CDON: variants seen among roughly 807,000 people sequenced by gnomAD.
CDON encodes cell adhesion molecule-related/down-regulated by oncogenes.
A neutral mutation model predicts 120.9 loss-of-function variants in CDON; 73 were observed. The observed-to-expected ratio is 0.60, with a 90% CI of 0.50 to 0.73. The LOEUF (loss-of-function observed/expected upper bound fraction) is 0.73. CDON is among the 30% of genes least tolerant of loss of function. The pLI is 0.00. For synonymous variants in CDON, 566 were observed against 573.5 expected, an observed-to-expected ratio of 0.99 and a Z score of 0.19; for missense variants, 1,470 against 1,587.3, an observed-to-expected ratio of 0.93 and a Z score of 1.26.
intron 1 of CDON, among the ~76,000 whole-genome samples, chr11:126,026,541 T>C (rs1318714916): frequency 1.3e-5 from 2 of 152,174 alleles, no homozygotes; most frequent in Non-Finnish European, 2.9e-5. Context: ...ATAAATCAAA[T>C]AGTATCTCCC....
chr11:125,981,963 C>CTTTTTTTTTTTTTTTTTTTTTTTTTTT lies in CDON; in HGVS notation c.2996-635_2996-634insAAAAAAAAAAAAAAAAAAAAAAAAAAA, dbSNP rs1565501813. ...GGAGTACCAAAGGCAAAAAGTGATT[C>CTTTTTTTTTTTTTTTTTTTTTTTTTTT]TATTTTCTTTTTTTTTTTTTTTTTT... On this transcript the variant is annotated intron_variant, in intron 16 of 19. Coordinates refer to ENST00000531738, the MANE Select transcript of CDON (RefSeq NM_001378964.1). Among the ~76,000 whole-genome samples the CTTTTTTTTTTTTTTTTTTTTTTTTTTT allele has an allele frequency of 8.8e-5, 3 of 34,150 alleles. 1 individual carries two copies. Among genetic ancestry groups the CTTTTTTTTTTTTTTTTTTTTTTTTTTT allele is most frequent in the Admixed American group, 7.2e-4 (2 of 2,786 alleles). The allele number at this position is 34,150 out of a possible 152,430, so 22.4% of individuals were successfully genotyped here.
At chr11:126,038,796 C>G (rs1948173088) in intron 1 of CDON, among the ~76,000 whole-genome samples, 1 of 152,146 alleles carries the variant, frequency 6.6e-6, no homozygotes, top group Non-Finnish European at 1.5e-5. Flanking sequence ...TTCCTAGCTT[C>G]CCTGCCAACA....
chr11:125,965,168 C>T (rs576480594), intron 18 of CDON, among the ~76,000 whole-genome samples: 1 of 152,146 alleles, frequency 6.6e-6, no homozygotes, highest in Non-Finnish European at 1.5e-5. Context: ...TGAGTTCAGG[C>T]AATCCACCCG....
intron 8 of CDON, among the ~76,000 whole-genome samples, chr11:126,010,000 G>A (rs76838293): frequency 0.035 from 5,361 of 152,140 alleles, 300 homozygotes; most frequent in African/African-American, 0.12. Context: ...ACCCAATACT[G>A]TAGTTATCAA....
intron 9 of CDON, chr11:126,004,277 T>C: frequency 3.2e-6 from 2 of 618,332 alleles, no homozygotes; most frequent in Non-Finnish European, 5.7e-6. Context: ...CAATTCTCAC[T>C]GTAGAAAGAC....
intron 15 of CDON, among the ~76,000 whole-genome samples, chr11:125,988,661 G>T (rs1302714087): frequency 6.6e-6 from 1 of 152,212 alleles, no homozygotes; most frequent in Non-Finnish European, 1.5e-5. Context: ...CTGTGGACGA[G>T]TGGTTTTGCT....
intron 18 of CDON, among the ~76,000 whole-genome samples, chr11:125,969,290 G>A (rs1271612325): frequency 6.6e-6 from 1 of 152,128 alleles, no homozygotes; most frequent in Non-Finnish European, 1.5e-5. Context: ...GAGCCACCAC[G>A]CCTGGACCGT....
intron 1 of CDON, among the ~76,000 whole-genome samples, chr11:126,052,142 T>C (rs1948576966): frequency 6.6e-6 from 1 of 152,170 alleles, no homozygotes; most frequent in African/African-American, 2.4e-5. Context: ...TAGCTCTAAA[T>C]GTATTATGAA....
At position 125,958,306 on chromosome 11, in the gene CDON, G is replaced by A. The variant is rs533561259; in HGVS notation, c.*2636C>T. ...TCCCATGGCTCACTGAGTGACTTGG[G>A]GATTTTAATGCCAACTTTGTAGATG... On this transcript the variant is annotated 3_prime_UTR_variant, in exon 20 of 20. Transcript: ENST00000531738. 2 of 152,258 alleles carry A rather than the reference G, an allele frequency of 1.3e-5. No individual in the cohort carries two copies. Among genetic ancestry groups the A allele is most frequent in the South Asian group, 4.1e-4 (2 of 4,824 alleles). The allele number at this position is 152,258 out of a possible 1,614,324, so 9.4% of individuals were successfully genotyped here. A position where few individuals can be genotyped will look rare whatever the true frequency, so the allele number is the denominator to read the frequency against.
chr11:126,023,581 T>A, intron 1 of CDON, 44 bp from the exon 2 acceptor site: 1 of 870,564 alleles, frequency 1.1e-6, no homozygotes, highest in Non-Finnish European at 1.9e-6. Context: ...TTGAAATCTT[T>A]CGTCTGAGCA....
intron 16 of CDON, among the ~76,000 whole-genome samples, chr11:125,981,965 A>ATTTCCTTTTTTTTTTTTTTTTTTTTTT (rs1946318366): frequency 5.8e-5 from 2 of 34,428 alleles, no homozygotes; most frequent in Admixed American, 3.4e-4. Flanking sequence ...AAGTGATTCT[A>ATTTCCTTTTTTTTTTTTTTTTTTTTTT]TTTTCTTTTT....
intron 1 of CDON, among the ~76,000 whole-genome samples, chr11:126,060,235 A>G (rs1948763928): frequency 6.6e-6 from 1 of 152,242 alleles, no homozygotes; most frequent in South Asian, 2.1e-4. Flanking sequence ...CCTTCAACTC[A>G]AAATATTTGG....
At chr11:126,039,952 T>C (rs149669093) in intron 1 of CDON, among the ~76,000 whole-genome samples, 3 of 152,266 alleles carry the variant, frequency 2.0e-5, no homozygotes, top group East Asian at 3.9e-4. Flanking sequence ...TCCAACATCA[T>C]GTTTTAAAAC....
intron 7 of CDON, among the ~76,000 whole-genome samples, chr11:126,014,424 G>C (rs1947399439): frequency 1.3e-5 from 2 of 152,180 alleles, no homozygotes; most frequent in Admixed American, 1.3e-4. Flanking sequence ...CCCCATGTTG[G>C]TGAGGGTTTG....
chr11:125,981,767 A>G (rs186433392), intron 16 of CDON, among the ~76,000 whole-genome samples: 159 of 152,194 alleles, frequency 1.0e-3, no homozygotes, highest in African/African-American at 3.6e-3. Flanking sequence ...CCTATATATT[A>G]TACTTCTAAG....
chr11:125,975,536 A>T (rs1946127564), intron 18 of CDON, among the ~76,000 whole-genome samples: 1 of 152,216 alleles, frequency 6.6e-6, no homozygotes, highest in Non-Finnish European at 1.5e-5. Flanking sequence ...TCAATATCCT[A>T]CTATTCTCTA....
Position 125,997,286 on chromosome 11 carries a change from C to T in CDON, c.2283G>A (p.Met761Ile). ...ITAFKVEYKR[M>I]RTSNWLVAAE... The stretch of plus-strand genomic sequence containing the variant: ...CTGCCACCAGCCAATTGCTGGTCCT[C>T]ATCCGTTTATATTCGACTTTGAAGG... The change falls in exon 12 of 20, where the codon ATG becomes ATA. Residue 761 changes from methionine to isoleucine, a missense_variant. Physicochemically the swap from Met to Ile is conservative, Grantham distance 10. Transcript: ENST00000531738. The T allele has an allele frequency of 6.2e-7, 1 of 1,614,122 alleles. No homozygotes were observed.
chr11:126,015,622 A>C, intron 6 of CDON, 112 bp from the exon 7 acceptor site: 1 of 1,128,314 alleles, frequency 8.9e-7, no homozygotes, highest in East Asian at 2.5e-5. Flanking sequence ...ACAAAGTTGC[A>C]TTGTTTATTC....
intron 15 of CDON, among the ~76,000 whole-genome samples, chr11:125,984,422 C>A (rs972275145): frequency 2.0e-5 from 3 of 152,214 alleles, no homozygotes; most frequent in Non-Finnish European, 4.4e-5. Flanking sequence ...TTAGGCCGGG[C>A]GTGGTGGCTC....
Sources: allele counts gnomAD v4.1 joint callset (sites outside exome capture counted in the v4.1 genomes callset), GRCh38; gene constraint gnomAD v4.1.1; transcripts MANE v1.5; gene names NCBI Gene and HGNC (gene_info 2026-07-23, HGNC 2026-07-21).